The following TRIM5 variants were observed in gnomAD, a reference collection of about 807,000 sequenced individuals.
The protein encoded by TRIM5 is tripartite motif containing 5.
A neutral mutation model predicts 35.6 loss-of-function variants in TRIM5; 31 were observed. That is an observed-to-expected ratio of 0.87 (90% confidence interval 0.65 to 1.18). The LOEUF (loss-of-function observed/expected upper bound fraction) is 1.18. Among genes scored for constraint, TRIM5 ranks in the 50% most tolerant of loss-of-function variants. TRIM5 has a pLI of 0.00. For synonymous variants in TRIM5, 243 were observed against 215.6 expected (o/e 1.13, Z -1.11); for missense variants, 609 against 591.6 (o/e 1.03, Z -0.31).
At chr11:5,640,656 C>T in the TRIM5 span, among the ~76,000 whole-genome samples, 1 of 151,980 alleles carries the variant, frequency 6.6e-6, no homozygotes, top group Non-Finnish European at 1.5e-5. Flanking sequence ...TAGGATGAGC[C>T]TCATGTAATC....
rs905322333 is a variant in TRIM5 at position 5,663,250 on chromosome 11, C to T, written c.*1559G>A. 4 of 951,608 alleles carry T rather than the reference C, an allele frequency of 4.2e-6. No homozygotes were observed. The African/African-American group carries it at 7.1e-5, about 17-fold the overall frequency. The allele number at this position is 951,608 out of a possible 1,614,324, so 58.9% of individuals were successfully genotyped here. ...TCGTTTAACTTTTAAAAAACTACAT[C>T]AGCTAATTTTATTATAATTATTTTT... On this transcript the variant is annotated 3_prime_UTR_variant, in exon 8 of 8. Coordinates refer to ENST00000380034, the MANE Select transcript of TRIM5 (RefSeq NM_033034.3).
At chr11:5,672,061 C>A (rs1458040867) in intron 4 of TRIM5, among the ~76,000 whole-genome samples, 1 of 152,040 alleles carries the variant, frequency 6.6e-6, no homozygotes, top group Non-Finnish European at 1.5e-5. Flanking sequence ...AGAGAAAAGA[C>A]TGGAATGACT....
chr11:5,665,328 GCT>G lies in TRIM5; in HGVS notation c.961_962del (p.Ser321LeufsTer61). The G allele has an allele frequency of 6.2e-7, 1 of 1,613,976 alleles. No individual in the cohort carries two copies. The highest frequency in any genetic ancestry group is 1.1e-5 in the South Asian group (1 of 90,998). ...CATATATTATCTGTGGTTTCGGAGAGCTCACTTGTCTCTTATCTTCAGAAATG... is the reference window on the plus strand; with the variant it reads ...CATATATTATCTGTGGTTTCGGAGAGCACTTGTCTCTTATCTTCAGAAATG... ...AVISEDKRQV[S>X]SPKPQIIYGA... On this transcript the variant is annotated frameshift_variant, in exon 8 of 8. Coordinates refer to ENST00000380034, the MANE Select transcript of TRIM5 (RefSeq NM_033034.3). LOFTEE classifies it low-confidence loss of function (END_TRUNC).
At chr11:5,637,996 A>G in the TRIM5 span, among the ~76,000 whole-genome samples, 1 of 152,334 alleles carries the variant, frequency 6.6e-6, no homozygotes, top group African/African-American at 2.4e-5. Flanking sequence ...TAGCATGTCT[A>G]TTTCCATCCT....
chr11:5,603,383 A>G, the TRIM5 span: 1 of 1,614,060 alleles, frequency 6.2e-7, no homozygotes, highest in Non-Finnish European at 8.5e-7. Context: ...CTCCTAACAG[A>G]ACCCCTGAGC....
chr11:5,625,944 T>C, the TRIM5 span, among the ~76,000 whole-genome samples: 2 of 152,266 alleles, frequency 1.3e-5, no homozygotes, highest in African/African-American at 4.8e-5. Flanking sequence ...ACGGATTTAA[T>C]CTTCTTGTTA....
the TRIM5 span, chr11:5,632,153 T>G: frequency 2.7e-6 from 4 of 1,475,670 alleles, no homozygotes; most frequent in Non-Finnish European, 2.7e-6. Flanking sequence ...CTCATCTTCT[T>G]TGTTCTTTGA....
the TRIM5 span, among the ~76,000 whole-genome samples, chr11:5,614,682 G>A: frequency 4.6e-5 from 7 of 152,156 alleles, no homozygotes; most frequent in Non-Finnish European, 5.9e-5. Flanking sequence ...TAAAGTTCTA[G>A]ACATGTGGTA....
the TRIM5 span, chr11:5,632,778 T>TG: frequency 6.5e-7 from 1 of 1,547,646 alleles, no homozygotes; most frequent in Non-Finnish European, 8.7e-7. Flanking sequence ...TGGAGGGAGA[T>TG]GGGGCAGAAG....
chr11:5,642,968 C>T, the TRIM5 span: 11 of 1,431,780 alleles, frequency 7.7e-6, no homozygotes, highest in African/African-American at 1.3e-4. Flanking sequence ...TTGCTAAATA[C>T]ATTTCTCCAG....
downstream of TRIM5, among the ~76,000 whole-genome samples, chr11:5,662,126 G>A (rs974127648): frequency 2.6e-5 from 4 of 152,168 alleles, no homozygotes; most frequent in Admixed American, 2.6e-4. Flanking sequence ...GAGGTAGAGA[G>A]GTGTGTGCAC....
At chr11:5,657,679 T>TATA in the TRIM5 span, among the ~76,000 whole-genome samples, 2 of 131,530 alleles carry the variant, frequency 1.5e-5, no homozygotes, top group East Asian at 4.1e-4. Flanking sequence ...TAATATAATA[T>TATA]ATATATATTT....
downstream of TRIM5, among the ~76,000 whole-genome samples, chr11:5,659,692 C>T (rs1402058602): frequency 6.6e-6 from 1 of 151,490 alleles, no homozygotes; most frequent in East Asian, 1.9e-4. Flanking sequence ...GAAACATTAC[C>T]ATCCCCAGGT....
chr11:5,655,242 C>G, the TRIM5 span, among the ~76,000 whole-genome samples: 1 of 150,218 alleles, frequency 6.7e-6, no homozygotes, highest in East Asian at 1.9e-4. Context: ...AGGAAACTTA[C>G]CATTGGTTGT....
chr11:5,641,358 C>G, the TRIM5 span: 14 of 1,443,092 alleles, frequency 9.7e-6, no homozygotes, highest in African/African-American at 1.1e-4. Flanking sequence ...TGTTCCGTAA[C>G]TATTAATGGA....
chr11:5,630,495 C>T, the TRIM5 span, among the ~76,000 whole-genome samples: 2 of 152,140 alleles, frequency 1.3e-5, no homozygotes, highest in African/African-American at 2.4e-5. Context: ...TCATGTGAGG[C>T]CAAGGCCTAG....
chr11:5,603,499 T>C, the TRIM5 span: 1 of 1,614,106 alleles, frequency 6.2e-7, no homozygotes, highest in Non-Finnish European at 8.5e-7. Flanking sequence ...CCAGACCAGC[T>C]ACCAGCCAGG....
intron 2 of TRIM5, 149 bp from the exon 3 acceptor site, chr11:5,679,318 A>G: frequency 1.4e-6 from 1 of 722,704 alleles, no homozygotes; most frequent in Non-Finnish European, 2.4e-6. Flanking sequence ...ACTTGGAAGA[A>G]AACTTACATT....
At chr11:5,597,128 C>G in the TRIM5 span, among the ~76,000 whole-genome samples, 1 of 152,320 alleles carries the variant, frequency 6.6e-6, no homozygotes, top group South Asian at 2.1e-4. Context: ...ATGCCGCAGC[C>G]AGACTGCATG....
Sources: allele counts gnomAD v4.1 joint callset (sites outside exome capture counted in the v4.1 genomes callset), GRCh38; gene constraint gnomAD v4.1.1; transcripts MANE v1.5; gene names NCBI Gene and HGNC (gene_info 2026-07-23, HGNC 2026-07-21).